DNM1L: variants seen among roughly 807,000 people sequenced by gnomAD.
DNM1L encodes the protein dynamin 1L.
DNM1L carries 33 observed loss-of-function variants against 92.8 expected under a neutral mutation model. The ratio of observed to expected loss-of-function variants is 0.36; its 90% CI spans 0.27 to 0.48. The LOEUF is 0.48. Among genes scored for constraint, DNM1L ranks in the 20% least tolerant of loss-of-function variants. DNM1L has a pLI of 0.99. For missense variants in DNM1L, 485 were observed against 888.8 expected (o/e 0.55, Z 5.78); for synonymous variants, 284 against 305.0 (o/e 0.93, Z 0.72).
At chr12:32,711,243 G>C (rs1953112406) in intron 5 of DNM1L, 1 of 481,274 alleles carries the variant, frequency 2.1e-6, no homozygotes. Flanking sequence ...CTCTTTTGCT[G>C]TTTCTTCTCA....
At chr12:32,742,888 CTT>C (rs36039451) in intron 19 of DNM1L, 140 bp downstream of exon 19, 31,042 of 233,812 alleles carry the variant, frequency 0.13, 60 homozygotes, top group Middle Eastern at 0.18. Flanking sequence ...TGATAAGAAT[CTT>C]TTTTTTTTTT....
In DNM1L at chr12:32,743,835, T is replaced by C. The variant is rs1955481111; in HGVS notation, c.*425T>C. ...ATATGACTATAATGCATGTACTATATAAGCTGATCTGGCTTTGAAAGATGT... is the reference window on the plus strand; with the variant it reads ...ATATGACTATAATGCATGTACTATACAAGCTGATCTGGCTTTGAAAGATGT... On this transcript the variant is annotated 3_prime_UTR_variant, in exon 20 of 20. Transcript: ENST00000549701. The C allele has an allele frequency of 5.9e-6, 1 of 169,102 alleles. No homozygotes were observed. Among genetic ancestry groups the C allele is most frequent in the African/African-American group, 2.4e-5 (1 of 41,876 alleles). The allele number at this position is 169,102 out of a possible 1,614,324, so 10.5% of individuals were successfully genotyped here.
rs1318146225 is a variant in DNM1L at position 32,726,298 on chromosome 12, T to C, written c.1079+3665T>C. Reference sequence around the variant, plus strand: ...AAAATTACCCAGTCTACCAAGAAAATACAAAAACATAAGGCAGTAAGTAAG... The same window carrying C: ...AAAATTACCCAGTCTACCAAGAAAACACAAAAACATAAGGCAGTAAGTAAG... On this transcript the variant is annotated intron_variant, in intron 9 of 19. Transcript: ENST00000549701. 14 of 1,194,866 alleles carry C rather than the reference T, an allele frequency of 1.2e-5. No homozygotes were observed. The South Asian group carries it at 1.3e-4, about 11-fold the overall frequency. The allele number at this position is 1,194,866 out of a possible 1,614,324, so 74.0% of individuals were successfully genotyped here.
At chr12:32,679,787 G>C (rs1685218050) in intron 1 of DNM1L, 2 of 1,045,796 alleles carry the variant, frequency 1.9e-6, no homozygotes, top group African/African-American at 3.4e-5. Context: ...CTGGGACCGG[G>C]CGCGGCCTCG....
chr12:32,739,249 T>C (rs1032760779), intron 16 of DNM1L, among the ~76,000 whole-genome samples: 4 of 151,978 alleles, frequency 2.6e-5, no homozygotes, highest in Non-Finnish European at 5.9e-5. Context: ...ATAATCCATT[T>C]TTAGATTGTA....
At chr12:32,708,352 T>C (rs1017595695) in intron 4 of DNM1L, 128 bp downstream of exon 4, 34 of 617,820 alleles carry the variant, frequency 5.5e-5, no homozygotes, top group African/African-American at 5.3e-4. Flanking sequence ...CGAGAAGCGA[T>C]GGACATTGTA....
At chr12:32,715,210 C>T (rs957803536) in intron 6 of DNM1L, among the ~76,000 whole-genome samples, 21 of 151,734 alleles carry the variant, frequency 1.4e-4, no homozygotes, top group African/African-American at 4.8e-4. Context: ...CTTCCCACCT[C>T]AGTCTCCCAA....
intron 1 of DNM1L, among the ~76,000 whole-genome samples, chr12:32,686,289 C>T (rs1159896338): frequency 6.6e-6 from 1 of 152,062 alleles, no homozygotes; most frequent in African/African-American, 2.4e-5. Context: ...TCAGGTGATC[C>T]GTCCACCTCG....
Position 32,731,251 on chromosome 12 carries a change from T to C in DNM1L, c.1201-105T>C. 1 of 1,582,050 alleles carries C rather than the reference T, an allele frequency of 6.3e-7. No individual in the cohort carries two copies. Among genetic ancestry groups the C allele is most frequent in the Non-Finnish European group, 8.6e-7 (1 of 1,161,782 alleles). ...GTTTATTTTGCTCTCATATTTGAAA[T>C]TAAAAAGCATTTTTCATGAAAAGTA... is the stretch of plus-strand genomic sequence containing the variant. On this transcript the variant is annotated intron_variant, in intron 10 of 19. Coordinates refer to ENST00000549701, the MANE Select transcript of DNM1L (RefSeq NM_012062.5). This position sits in a 1 kb window ranked among gnomAD's most constrained non-coding sequence, Gnocchi z 5.1.
intron 1 of DNM1L, among the ~76,000 whole-genome samples, chr12:32,698,646 A>G (rs1039957468): frequency 2.0e-5 from 3 of 152,216 alleles, no homozygotes; most frequent in Non-Finnish European, 2.9e-5. Context: ...TAAATTTTTA[A>G]AGTACAAGTT....
chr12:32,701,452 G>T lies in DNM1L; in HGVS notation c.140G>T (p.Gly47Val), dbSNP rs1310050043. ...GKSSVLESLV[G>V]RDLLPRGTGI... Reference sequence around the variant, plus strand: ...AGCTCAGTGCTAGAAAGCCTGGTGGGGAGGGACCTGCTTCCCAGAGGTACT... The same window carrying T: ...AGCTCAGTGCTAGAAAGCCTGGTGGTGAGGGACCTGCTTCCCAGAGGTACT... Residue 47 changes from glycine to valine, a missense_variant, in exon 2 of 20, where the codon GGG becomes GTG. Gly to Val is a moderately radical substitution (Grantham distance 109). Coordinates refer to ENST00000549701, the MANE Select transcript of DNM1L (RefSeq NM_012062.5). The T allele has an allele frequency of 6.2e-7, 1 of 1,613,944 alleles. No homozygotes were observed. The highest frequency in any genetic ancestry group is 2.2e-5 in the East Asian group (1 of 44,862).
intron 2 of DNM1L, among the ~76,000 whole-genome samples, chr12:32,702,963 T>A (rs142375544): frequency 1.3e-5 from 2 of 148,726 alleles, no homozygotes; most frequent in Non-Finnish European, 3.0e-5. Context: ...ATAACACTTA[T>A]AAAATTTCAT....
At chr12:32,691,167 C>T (rs1037350003) in intron 1 of DNM1L, among the ~76,000 whole-genome samples, 7 of 152,106 alleles carry the variant, frequency 4.6e-5, no homozygotes, top group Admixed American at 2.0e-4. Context: ...TTGCTGTGTC[C>T]GTGGTGTCTC....
intron 1 of DNM1L, among the ~76,000 whole-genome samples, chr12:32,695,799 A>T (rs779479912): frequency 3.4e-4 from 51 of 152,092 alleles, no homozygotes; most frequent in Admixed American, 5.9e-4. Flanking sequence ...GAATGAATGA[A>T]ATGAAACAAA....
chr12:32,735,494 C>A (rs1345845781), intron 13 of DNM1L, among the ~76,000 whole-genome samples: 1 of 152,072 alleles, frequency 6.6e-6, no homozygotes, highest in Non-Finnish European at 1.5e-5. Context: ...AATATCTATA[C>A]TTTTATTATC....
chr12:32,694,478 T>C (rs10844305), intron 1 of DNM1L, among the ~76,000 whole-genome samples: 23,416 of 152,214 alleles, frequency 0.15, 1,908 homozygotes, highest in Middle Eastern at 0.21. Context: ...TTTAGATTCA[T>C]CCATGTTGGA....
chr12:32,732,056 T>C (rs1297941772), intron 12 of DNM1L, 113 bp downstream of exon 12: 1 of 787,674 alleles, frequency 1.3e-6, no homozygotes, highest in Non-Finnish European at 2.1e-6. Context: ...GGCATAATGT[T>C]TTCCAGTGTA....
intron 13 of DNM1L, among the ~76,000 whole-genome samples, chr12:32,734,075 CTTATAG>C (rs1954724298): frequency 6.6e-6 from 1 of 152,158 alleles, no homozygotes; most frequent in Admixed American, 6.5e-5. Context: ...ATTTTGGTAA[CTTATAG>C]TTTATACAGG....
chr12:32,692,888 CACAT>C (rs1378868599), intron 1 of DNM1L: 2 of 151,942 alleles, frequency 1.3e-5, no homozygotes, highest in African/African-American at 4.9e-5. Context: ...TTTATATACA[CACAT>C]ATAATCCCAG....
Sources: gnomAD v4.1 joint callset for allele counts (sites outside exome capture counted in the v4.1 genomes callset) on GRCh38, gnomAD v4.1.1 for gene constraint, Gnocchi (gnomAD v3.1) non-coding constraint, MANE v1.5 for transcripts, NCBI Gene and HGNC (gene_info 2026-07-23, HGNC 2026-07-21) for gene names.